The following PLA2G5 variants were observed in gnomAD, a reference collection of about 807,000 sequenced individuals.
The protein encoded by PLA2G5 is Ca2+-dependent phospholipase A2.
A neutral mutation model predicts 15.9 loss-of-function variants in PLA2G5; 12 were observed. The observed-to-expected ratio is 0.76, with a 90% CI of 0.48 to 1.23. The LOEUF (loss-of-function observed/expected upper bound fraction) is 1.23, where lower values mean the gene tolerates loss of function less well. PLA2G5 is among the 50% of genes most tolerant of loss of function. The pLI is 0.00. For synonymous variants in PLA2G5, 71 were observed against 71.4 expected, an observed-to-expected ratio of 0.99 and a Z score of 0.03; for missense variants, 169 against 177.1, an observed-to-expected ratio of 0.95 and a Z score of 0.26.
intron 1 of PLA2G5, among the ~76,000 whole-genome samples, chr1:20,073,879 G>A (rs1382246587): frequency 6.6e-6 from 1 of 151,868 alleles, no homozygotes; most frequent in Non-Finnish European, 1.5e-5. Flanking sequence ...AAAAAAAAAA[G>A]AAGATATGCA....
intron 1 of PLA2G5, among the ~76,000 whole-genome samples, chr1:20,049,429 A>C (rs1487702704): frequency 2.0e-5 from 3 of 149,268 alleles, no homozygotes; most frequent in Non-Finnish European, 4.4e-5. Flanking sequence ...AAATTATAAG[A>C]GCTTTTAATT....
At chr1:20,038,397 C>G (rs2013395696) in intron 1 of PLA2G5, among the ~76,000 whole-genome samples, 1 of 152,188 alleles carries the variant, frequency 6.6e-6, no homozygotes, top group African/African-American at 2.4e-5. Flanking sequence ...CCCAAGGACC[C>G]CTGTGAGACA....
chr1:20,068,641 G>A (rs575322383), upstream of PLA2G5, among the ~76,000 whole-genome samples: 46 of 151,968 alleles, frequency 3.0e-4, no homozygotes, highest in African/African-American at 1.0e-3. Flanking sequence ...AGTAGAGACG[G>A]GGTTTCTCCA....
intron 1 of PLA2G5, among the ~76,000 whole-genome samples, chr1:20,055,336 T>A (rs966611680): frequency 2.6e-5 from 4 of 152,324 alleles, no homozygotes; most frequent in African/African-American, 4.8e-5. Flanking sequence ...TTGCCCAAGA[T>A]TTTTAGGGGC....
At chr1:20,070,663 T>G (rs1183619924) in intron 1 of PLA2G5, among the ~76,000 whole-genome samples, 198 bp downstream of exon 1, 1 of 151,984 alleles carries the variant, frequency 6.6e-6, no homozygotes, top group African/African-American at 2.4e-5. Context: ...GAGAGCGGGC[T>G]TTTAAGGAGG....
intron 1 of PLA2G5, among the ~76,000 whole-genome samples, chr1:20,043,461 T>G (rs1431995676): frequency 6.6e-6 from 1 of 151,996 alleles, no homozygotes; most frequent in Non-Finnish European, 1.5e-5. Context: ...TGATTAGGTT[T>G]TAATGGGTTA....
At chr1:20,061,862 A>G (rs931757491) in intron 2 of PLA2G5, among the ~76,000 whole-genome samples, 2 of 152,242 alleles carry the variant, frequency 1.3e-5, no homozygotes, top group African/African-American at 4.8e-5. Context: ...CTCTAAGGAT[A>G]GAGGCTAACA....
At chr1:20,074,282 A>G (rs1238255115) in intron 1 of PLA2G5, among the ~76,000 whole-genome samples, 2 of 151,630 alleles carry the variant, frequency 1.3e-5, no homozygotes, top group African/African-American at 2.4e-5. Flanking sequence ...CATGCTGGTC[A>G]TTGCTCTTGT....
intron 1 of PLA2G5, among the ~76,000 whole-genome samples, chr1:20,074,028 G>A (rs181642155): frequency 2.0e-5 from 3 of 152,252 alleles, no homozygotes; most frequent in Non-Finnish European, 2.9e-5. Flanking sequence ...TAAAGATGAC[G>A]GTCAGTGCCA....
chr1:20,083,914 T>C (rs1238185538), intron 1 of PLA2G5, among the ~76,000 whole-genome samples: 3 of 151,820 alleles, frequency 2.0e-5, no homozygotes, highest in African/African-American at 4.9e-5. Flanking sequence ...GGTTGACTTA[T>C]TCTTTAGGTA....
chr1:20,059,609 A>G (rs1355169408), intron 1 of PLA2G5: 4 of 152,214 alleles, frequency 2.6e-5, no homozygotes, highest in Non-Finnish European at 5.9e-5. Flanking sequence ...GGCTTGCTCA[A>G]CATCTATTTC....
rs2016483282 is a variant in PLA2G5 at position 20,089,893 on chromosome 1, GC to G, written c.291del (p.Cys97TrpfsTer9). 1.9e-6 allele frequency: 3 copies of G among 1,611,004 alleles called. No individual in the cohort carries two copies. Among genetic ancestry groups the G allele is most frequent in the Non-Finnish European group, 2.5e-6 (3 of 1,177,876 alleles). On this transcript the variant is annotated frameshift_variant and splice_region_variant, in exon 4 of 5. Transcript: ENST00000375108. LOFTEE classifies it low-confidence loss of function (END_TRUNC). ...AGATTCGCGTGGGGCGTGGTCACCT[GC>G]GGTAAGGCTGGGGCTTCCCGTTCGG... ...KYRFAWGVVT[C>X]EPGPFCHVNL...
chr1:20,084,603 T>C (rs2016192405), intron 1 of PLA2G5, among the ~76,000 whole-genome samples: 1 of 152,162 alleles, frequency 6.6e-6, no homozygotes, highest in African/African-American at 2.4e-5. Context: ...AGGGACAGTG[T>C]CCCTGCAAAT....
At chr1:20,086,048 C>T (rs776387321) in intron 2 of PLA2G5, 35 bp from the exon 3 acceptor site, 3 of 1,612,242 alleles carry the variant, frequency 1.9e-6, no homozygotes, top group South Asian at 1.1e-5. Context: ...GCTGGGCTGC[C>T]TGGGTGTCAC....
At chr1:20,051,602 C>T (rs2014180282) in intron 1 of PLA2G5, among the ~76,000 whole-genome samples, 1 of 152,208 alleles carries the variant, frequency 6.6e-6, no homozygotes, top group Non-Finnish European at 1.5e-5. Context: ...GTATTCATAA[C>T]TTATGGCAAT....
At chr1:20,041,964 T>G (rs1373760262) in intron 1 of PLA2G5, among the ~76,000 whole-genome samples, 1 of 152,150 alleles carries the variant, frequency 6.6e-6, no homozygotes, top group Non-Finnish European at 1.5e-5. Flanking sequence ...CCAGCTTCCT[T>G]TGGAAGTAAA....
chr1:20,068,236 A>T (rs2015153684), upstream of PLA2G5, among the ~76,000 whole-genome samples: 1 of 152,192 alleles, frequency 6.6e-6, no homozygotes, highest in African/African-American at 2.4e-5. Context: ...AATAAAACTA[A>T]ATTTCTGCCT....
chr1:20,069,050 C>T (rs1198065599), upstream of PLA2G5: 4 of 626,856 alleles, frequency 6.4e-6, no homozygotes, highest in East Asian at 2.6e-4. Context: ...TAAAAATGCT[C>T]AGTTGCACCA....
chr1:20,077,980 G>C lies in PLA2G5; in HGVS notation c.-10-6841G>C, dbSNP rs556946192. 7.2e-5 allele frequency among the ~76,000 whole-genome samples: 11 copies of C among 152,324 alleles called. No homozygotes were observed. In the South Asian group the frequency reaches 2.3e-3, roughly 32 times the overall value. On this transcript the variant is annotated intron_variant, in intron 1 of 4. Coordinates refer to ENST00000375108, the MANE Select transcript of PLA2G5 (RefSeq NM_000929.3). Reference sequence around the variant, plus strand: ...CTGAACTCGAATGAGCTCATCCAGAGAGTGGCTGAGACAGAGAAGGGCAAC... The same window carrying C: ...CTGAACTCGAATGAGCTCATCCAGACAGTGGCTGAGACAGAGAAGGGCAAC...
Sources: gnomAD v4.1 joint callset for allele counts (sites outside exome capture counted in the v4.1 genomes callset) on GRCh38, gnomAD v4.1.1 for gene constraint, MANE v1.5 for transcripts, NCBI Gene and HGNC (gene_info 2026-07-23, HGNC 2026-07-21) for gene names.